ANKIB1: variants seen among roughly 807,000 people sequenced by gnomAD.
ANKIB1 encodes the protein ankyrin repeat and IBR domain containing 1, also known as ankyrin repeat and IBR domain-containing protein 1.
ANKIB1 carries 43 observed loss-of-function variants against 122.1 expected under a neutral mutation model. The ratio of observed to expected loss-of-function variants is 0.35; its 90% CI spans 0.28 to 0.45. The LOEUF (loss-of-function observed/expected upper bound fraction) is 0.45, where lower values mean the gene tolerates loss of function less well. Ranked by LOEUF, ANKIB1 falls within the 20% of genes least tolerant of loss-of-function variation. The pLI, the probability that ANKIB1 is intolerant of heterozygous loss-of-function variation, is 1.00. For missense variants in ANKIB1, 992 were observed against 1,329.5 expected (o/e 0.75, Z 3.95); for synonymous variants, 390 against 442.0 (o/e 0.88, Z 1.48).
At chr7:92,336,319 C>T (rs374732789) in intron 5 of ANKIB1, among the ~76,000 whole-genome samples, 4 of 151,766 alleles carry the variant, frequency 2.6e-5, no homozygotes, top group African/African-American at 7.3e-5. Flanking sequence ...CTAGAATTTA[C>T]ACTCGGTTCT....
intron 3 of ANKIB1, among the ~76,000 whole-genome samples, chr7:92,309,407 G>T (rs971111241): frequency 1.3e-5 from 2 of 152,072 alleles, no homozygotes; most frequent in African/African-American, 4.8e-5. Flanking sequence ...TTCTAACGTT[G>T]ATTCACTGTG....
intron 1 of ANKIB1, among the ~76,000 whole-genome samples, chr7:92,274,794 A>C (rs1292889142): frequency 6.6e-6 from 1 of 152,172 alleles, no homozygotes; most frequent in Non-Finnish European, 1.5e-5. Context: ...GTCACTAAAA[A>C]AAAAATTTTT....
chr7:92,341,328 A>T (rs2131973859), intron 5 of ANKIB1, among the ~76,000 whole-genome samples: 1 of 151,368 alleles, frequency 6.6e-6, no homozygotes, highest in South Asian at 2.1e-4. Context: ...AAAAAAAAAA[A>T]TTTGTCATAA....
At chr7:92,394,460 T>C (rs1265874399) in intron 17 of ANKIB1, among the ~76,000 whole-genome samples, 1 of 152,218 alleles carries the variant, frequency 6.6e-6, no homozygotes, top group African/African-American at 2.4e-5. Flanking sequence ...GAGTTTTCTG[T>C]CAGACGATTA....
chr7:92,290,370 AGT>A (rs34404682), intron 1 of ANKIB1, among the ~76,000 whole-genome samples: 17,876 of 140,770 alleles, frequency 0.13, 1,181 homozygotes, highest in East Asian at 0.36. Context: ...TATGTATGAA[AGT>A]GTGTGTGTGT....
At chr7:92,385,189 C>A (rs191611974) in intron 11 of ANKIB1, among the ~76,000 whole-genome samples, 28 of 152,330 alleles carry the variant, frequency 1.8e-4, no homozygotes, top group African/African-American at 6.3e-4. Context: ...GATACCATCT[C>A]ACACCAGTTA....
rs144568365 is a variant in ANKIB1 at position 92,340,521 on chromosome 7, A to G, written c.788-2503A>G. Among the ~76,000 whole-genome samples the G allele has an allele frequency of 5.0e-3, 753 of 151,744 alleles. 6 individuals are homozygous for G. Among genetic ancestry groups the G allele is most frequent in the African/African-American group, 0.018 (725 of 41,396 alleles). ...TATGACTGGCCATTGGAATACCAAG[A>G]AAAAAAAAGGATGAGGGATATAAAG... On this transcript the variant is annotated intron_variant, in intron 5 of 19. Coordinates refer to ENST00000265742, the MANE Select transcript of ANKIB1 (RefSeq NM_019004.2).
intron 1 of ANKIB1, among the ~76,000 whole-genome samples, chr7:92,255,865 A>G (rs1483065829): frequency 6.6e-6 from 1 of 152,248 alleles, no homozygotes; most frequent in Admixed American, 6.5e-5. Flanking sequence ...ATTATGTTCA[A>G]TAAGTAATAC....
intron 5 of ANKIB1, among the ~76,000 whole-genome samples, chr7:92,341,122 T>G (rs1238990500): frequency 6.6e-6 from 1 of 151,962 alleles, no homozygotes; most frequent in African/African-American, 2.4e-5. Context: ...CTGGGCAACA[T>G]GGTGAAACCC....
At chr7:92,256,967 C>T (rs1334754871) in intron 1 of ANKIB1, among the ~76,000 whole-genome samples, 1 of 152,030 alleles carries the variant, frequency 6.6e-6, no homozygotes, top group Non-Finnish European at 1.5e-5. Context: ...AGGCATGTGG[C>T]TCACCTGAGG....
intron 3 of ANKIB1, among the ~76,000 whole-genome samples, chr7:92,309,037 A>G (rs1045840276): frequency 1.3e-5 from 2 of 152,176 alleles, no homozygotes; most frequent in Non-Finnish European, 2.9e-5. Context: ...TTAAAAGATT[A>G]CCATCACTTA....
intron 3 of ANKIB1, among the ~76,000 whole-genome samples, chr7:92,315,020 A>T (rs1037981345): frequency 2.1e-5 from 3 of 144,136 alleles, no homozygotes; most frequent in Non-Finnish European, 4.6e-5. Flanking sequence ...AAGAAAGGTT[A>T]AAAAAAAAAA....
At chr7:92,380,454 TA>T (rs1488291495) in intron 11 of ANKIB1, among the ~76,000 whole-genome samples, 1 of 152,200 alleles carries the variant, frequency 6.6e-6, no homozygotes, top group Non-Finnish European at 1.5e-5. Context: ...GACCCCCATG[TA>T]GCCTAACTTG....
chr7:92,277,455 C>G lies in ANKIB1; in HGVS notation c.-90-17434C>G, dbSNP rs147798536. ...AACCCCATCATAAGTCGAGGAGCATCTGTATTAGTCAGGCAGTCCCCAGTA... is the reference window on the plus strand; with the variant it reads ...AACCCCATCATAAGTCGAGGAGCATGTGTATTAGTCAGGCAGTCCCCAGTA... On this transcript the variant is annotated intron_variant, in intron 1 of 19. Coordinates refer to ENST00000265742, the MANE Select transcript of ANKIB1 (RefSeq NM_019004.2). 3.3e-3 allele frequency among the ~76,000 whole-genome samples: 503 copies of G among 152,286 alleles called. 2 individuals carry two copies. The highest frequency in any genetic ancestry group is 6.2e-3 in the South Asian group (30 of 4,828).
intron 5 of ANKIB1, among the ~76,000 whole-genome samples, chr7:92,338,059 G>A (rs530898242): frequency 6.6e-6 from 1 of 152,134 alleles, no homozygotes; most frequent in African/African-American, 2.4e-5. Context: ...GTTTAGGCAA[G>A]AAATAGGAAA....
At chr7:92,362,103 G>C in intron 9 of ANKIB1, 82 bp from the exon 10 acceptor site, 1 of 1,308,400 alleles carries the variant, frequency 7.6e-7, no homozygotes, top group Admixed American at 2.0e-5. Flanking sequence ...GAGCCACCAC[G>C]CCCGGCCTCT....
chr7:92,389,987 A>C lies in ANKIB1; in HGVS notation c.1923A>C (p.Pro641=). Residue 641 remains proline, a synonymous_variant, in exon 15 of 20, where the codon CCA becomes CCC. Transcript: ENST00000265742. ...ACTTTTTAGCTGAAGGAGGCTGTCCAGATACCACTTTCATTGAAGATGCAG... is the reference window on the plus strand; with the variant it reads ...ACTTTTTAGCTGAAGGAGGCTGTCCCGATACCACTTTCATTGAAGATGCAG... ...RALKETEGGC[P]DTTFIEDAVH... is the part of the protein sequence containing the mutation. 6.3e-7 allele frequency: 1 copy of C among 1,599,280 alleles called. No homozygotes were observed. Among genetic ancestry groups the C allele is most frequent in the South Asian group, 1.2e-5 (1 of 86,320 alleles).
At chr7:92,292,827 A>G (rs576101463) in intron 1 of ANKIB1, among the ~76,000 whole-genome samples, 1 of 152,218 alleles carries the variant, frequency 6.6e-6, no homozygotes, top group African/African-American at 2.4e-5. Flanking sequence ...ATACACCTTT[A>G]AATAGGGTGG....
chr7:92,367,761 G>A (rs2115625423), intron 10 of ANKIB1, among the ~76,000 whole-genome samples: 1 of 152,308 alleles, frequency 6.6e-6, no homozygotes, highest in Non-Finnish European at 1.5e-5. Context: ...AGCAGGAATG[G>A]TTATATTTTT....
Sources: gnomAD v4.1 joint callset for allele counts (sites outside exome capture counted in the v4.1 genomes callset) on GRCh38, gnomAD v4.1.1 for gene constraint, MANE v1.5 for transcripts, NCBI Gene and HGNC (gene_info 2026-07-23, HGNC 2026-07-21) for gene names.